The following S100A8 variants were observed in gnomAD, a reference collection of about 807,000 sequenced individuals.
S100A8 encodes protein S100-A8.
Under a neutral mutation model 4.2 loss-of-function variants are expected in S100A8, and 1 was observed. That is an observed-to-expected ratio of 0.24 (90% CI 0.08 to 1.12). The LOEUF is 1.12. Among genes scored for constraint, S100A8 ranks in the 50% most tolerant of loss-of-function variants. The pLI is 0.53. For missense variants in S100A8, 96 were observed against 111.8 expected, an observed-to-expected ratio of 0.86 and a Z score of 0.64; for synonymous variants, 41 against 44.7, an observed-to-expected ratio of 0.92 and a Z score of 0.33.
the S100A8 span, among the ~76,000 whole-genome samples, chr1:153,411,345 C>T: frequency 6.6e-6 from 1 of 152,164 alleles, no homozygotes; most frequent in Non-Finnish European, 1.5e-5. Context: ...AACAGACAAA[C>T]ACAGAGCCAA....
At chr1:153,404,910 G>A in the S100A8 span, among the ~76,000 whole-genome samples, 2,100 of 152,138 alleles carry the variant, frequency 0.014, 63 homozygotes, top group African/African-American at 0.047. Flanking sequence ...AGGGCGAGGT[G>A]GGTGCTCGGT....
At chr1:153,410,630 T>A in the S100A8 span, among the ~76,000 whole-genome samples, 1 of 152,198 alleles carries the variant, frequency 6.6e-6, no homozygotes, top group Non-Finnish European at 1.5e-5. Context: ...ACTCATTTTA[T>A]GAGGCCAGCA....
At chr1:153,410,533 C>A in the S100A8 span, among the ~76,000 whole-genome samples, 1 of 152,156 alleles carries the variant, frequency 6.6e-6, no homozygotes, top group African/African-American at 2.4e-5. Context: ...GAATTCACAA[C>A]CGAATTCTAC....
the S100A8 span, chr1:153,422,564 G>T: frequency 3.0e-6 from 3 of 983,892 alleles, no homozygotes; most frequent in Non-Finnish European, 3.6e-6. Context: ...ATGTTCCCCA[G>T]AAATTCTGAT....
At chr1:153,417,968 G>A in the S100A8 span, 41 of 1,441,620 alleles carry the variant, frequency 2.8e-5, no homozygotes, top group Non-Finnish European at 3.6e-5. Context: ...TCCATCTTAG[G>A]GCTGTTTTTA....
upstream of S100A8, chr1:153,391,142 C>CAG (rs758856405): frequency 1.1e-5 from 11 of 985,530 alleles, no homozygotes; most frequent in Middle Eastern, 1.0e-3. Flanking sequence ...TTCAGGCCAT[C>CAG]AGAGACAGCT....
chr1:153,393,629 C>T (rs1048149171), upstream of S100A8, among the ~76,000 whole-genome samples: 8 of 152,170 alleles, frequency 5.3e-5, no homozygotes, highest in African/African-American at 1.9e-4. Flanking sequence ...AGGAAAACAA[C>T]GCCATTTCTG....
At chr1:153,416,679 A>T in the S100A8 span, 1 of 295,292 alleles carries the variant, frequency 3.4e-6, no homozygotes, top group East Asian at 9.5e-5. Context: ...GGTCTAGGCC[A>T]GCTCTGCCAT....
At chr1:153,413,917 C>T in the S100A8 span, among the ~76,000 whole-genome samples, 1 of 151,892 alleles carries the variant, frequency 6.6e-6, no homozygotes, top group Non-Finnish European at 1.5e-5. Flanking sequence ...AAAGAAAAAA[C>T]AAGAAAGAAA....
chr1:153,404,529 C>T, the S100A8 span, among the ~76,000 whole-genome samples: 40 of 152,248 alleles, frequency 2.6e-4, no homozygotes, highest in African/African-American at 7.5e-4. Flanking sequence ...TTCAGACGCT[C>T]GGTGTCAGGA....
chr1:153,392,997 T>C (rs78477447), upstream of S100A8, among the ~76,000 whole-genome samples: 414 of 152,324 alleles, frequency 2.7e-3, 1 homozygote, highest in African/African-American at 9.5e-3. Flanking sequence ...CATTGATCAT[T>C]TAATTCTCAC....
the S100A8 span, among the ~76,000 whole-genome samples, chr1:153,413,203 C>CA: frequency 2.0e-5 from 3 of 151,896 alleles, no homozygotes; most frequent in African/African-American, 2.4e-5. Flanking sequence ...AACCTCAATA[C>CA]AAAAAAAGAA....
the S100A8 span, among the ~76,000 whole-genome samples, chr1:153,417,675 G>A: frequency 1.8e-4 from 28 of 152,204 alleles, no homozygotes; most frequent in Non-Finnish European, 3.5e-4. Context: ...CTCTCACCCC[G>A]ACTGTGAAGC....
rs761347222 is a variant in S100A8 at position 153,390,385 on chromosome 1, C to G, written c.141+10G>C. 6.2e-7 allele frequency: 1 copy of G among 1,613,874 alleles called. No individual in the cohort carries two copies. Among genetic ancestry groups the G allele is most frequent in the South Asian group, 1.1e-5 (1 of 91,072 alleles). ...GCAGAGAGCCCCCGCCACACCCAGC[C>G]CCTCCTCACCCTGATATACTGAGGA... On this transcript the variant is annotated intron_variant, in intron 2 of 2. Coordinates refer to ENST00000368733, the MANE Select transcript of S100A8 (RefSeq NM_002964.5).
the S100A8 span, among the ~76,000 whole-genome samples, chr1:153,397,740 C>T: frequency 6.6e-6 from 1 of 152,164 alleles, no homozygotes; most frequent in African/African-American, 2.4e-5. Context: ...ACCCCCACCA[C>T]CTGTTCCTGT....
In S100A8 at chr1:153,390,542, C is replaced by T; in HGVS notation, c.-7G>A. On this transcript the variant is annotated 5_prime_UTR_variant, in exon 2 of 3. Coordinates refer to ENST00000368733, the MANE Select transcript of S100A8 (RefSeq NM_002964.5). Reference sequence around the variant, plus strand: ...TCTCCAGCTCGGTCAACATGATGCCCACGGACTTGCCCCACCTGAAAAACA... The same window carrying T: ...TCTCCAGCTCGGTCAACATGATGCCTACGGACTTGCCCCACCTGAAAAACA... 1.2e-6 allele frequency: 2 copies of T among 1,614,040 alleles called. No homozygotes were observed. Among genetic ancestry groups the T allele is most frequent in the Non-Finnish European group, 1.7e-6 (2 of 1,179,954 alleles).
chr1:153,412,510 G>A, the S100A8 span, among the ~76,000 whole-genome samples: 1 of 152,184 alleles, frequency 6.6e-6, no homozygotes, highest in Non-Finnish European at 1.5e-5. Context: ...TGGAGAAATA[G>A]GAACAGTTTT....
chr1:153,419,330 T>A, the S100A8 span: 1 of 1,607,780 alleles, frequency 6.2e-7, no homozygotes, highest in African/African-American at 1.3e-5. Flanking sequence ...CCAAGGGGCC[T>A]CCAGAGACCC....
At chr1:153,398,517 A>G in the S100A8 span, among the ~76,000 whole-genome samples, 459 of 152,204 alleles carry the variant, frequency 3.0e-3, 4 homozygotes, top group African/African-American at 0.01. Context: ...CCATCCCTTC[A>G]GCCCTCACAT....
Sources: allele counts gnomAD v4.1 joint callset (sites outside exome capture counted in the v4.1 genomes callset), GRCh38; gene constraint gnomAD v4.1.1; transcripts MANE v1.5; gene names NCBI Gene and HGNC (gene_info 2026-07-23, HGNC 2026-07-21).